Variants in SIK3 observed in about 807,000 individuals in gnomAD.
SIK3 encodes the protein SIK family kinase 3, also known as serine/threonine-protein kinase SIK3.
A neutral mutation model predicts 144.2 loss-of-function variants in SIK3; 28 were observed. That is an observed-to-expected ratio of 0.19 (90% confidence interval 0.14 to 0.27). The LOEUF is 0.27. SIK3 is among the 10% of genes least tolerant of loss of function. SIK3 has a pLI of 1.00. For synonymous variants in SIK3, 686 were observed against 676.3 expected (o/e 1.01, Z -0.22); for missense variants, 1,319 against 1,776.0 (o/e 0.74, Z 4.62).
At chr11:116,868,297 T>C (rs1407307621) in intron 14 of SIK3, among the ~76,000 whole-genome samples, 1 of 152,234 alleles carries the variant, frequency 6.6e-6, no homozygotes, top group Non-Finnish European at 1.5e-5. Flanking sequence ...GGCTGAATTT[T>C]GAACCTAAGA....
At chr11:117,093,231 G>GCAT (rs1365573307) in intron 1 of SIK3, among the ~76,000 whole-genome samples, 6 of 152,214 alleles carry the variant, frequency 3.9e-5, no homozygotes, top group Non-Finnish European at 8.8e-5. Flanking sequence ...ATGGGTGAAA[G>GCAT]CATCATCTCA....
chr11:116,999,473 A>G (rs1007480693), intron 1 of SIK3, among the ~76,000 whole-genome samples: 1 of 152,236 alleles, frequency 6.6e-6, no homozygotes, highest in African/African-American at 2.4e-5. Flanking sequence ...ACTGCCCACT[A>G]TTGAATTTAG....
chr11:116,916,603 C>T (rs1280745575), intron 4 of SIK3, among the ~76,000 whole-genome samples: 6 of 151,394 alleles, frequency 4.0e-5, no homozygotes, highest in Non-Finnish European at 7.4e-5. Flanking sequence ...CTTTGCCTCC[C>T]GGGTTCACGC....
At chr11:117,043,754 G>A (rs1259713750) in intron 1 of SIK3, among the ~76,000 whole-genome samples, 1 of 152,004 alleles carries the variant, frequency 6.6e-6, no homozygotes, top group Non-Finnish European at 1.5e-5. Flanking sequence ...CTTTTCCCTG[G>A]TTCTGAACCT....
At chr11:116,896,988 C>T (rs191152701) in intron 5 of SIK3, among the ~76,000 whole-genome samples, 1 of 146,920 alleles carries the variant, frequency 6.8e-6, no homozygotes, top group East Asian at 2.0e-4. Flanking sequence ...GATCATCCTG[C>T]TGCTCTCCAG....
rs372989277 is a variant in SIK3 at position 116,987,435 on chromosome 11, A to G, written c.274-30371T>C. Among the ~76,000 whole-genome samples, 139 of 152,292 alleles carry G rather than the reference A, an allele frequency of 9.1e-4. No homozygotes were observed. The Middle Eastern group carries it at 0.014, about 15-fold the overall frequency. ...CAACATCTACCTCCTTCAATCCAGCAGAAATAAATACAAAAATAACTCTTC... is the reference window on the plus strand; with the variant it reads ...CAACATCTACCTCCTTCAATCCAGCGGAAATAAATACAAAAATAACTCTTC... On this transcript the variant is annotated intron_variant, in intron 1 of 24. Transcript: ENST00000445177.
intron 3 of SIK3, among the ~76,000 whole-genome samples, chr11:116,936,554 T>C (rs961111988): frequency 6.6e-6 from 1 of 152,222 alleles, no homozygotes; most frequent in African/African-American, 2.4e-5. Flanking sequence ...TAGATGTCCA[T>C]GAAAGAAACT....
At chr11:116,900,129 C>T (rs1021380008) in intron 4 of SIK3, among the ~76,000 whole-genome samples, 1 of 152,112 alleles carries the variant, frequency 6.6e-6, no homozygotes, top group Non-Finnish European at 1.5e-5. Context: ...CCAATACTTG[C>T]TTGGGAAGAA....
At chr11:116,875,343 C>T in intron 10 of SIK3, 31 bp downstream of exon 10, 18 of 1,613,766 alleles carry the variant, frequency 1.1e-5, no homozygotes, top group South Asian at 2.2e-5. Flanking sequence ...AAAGTGGTTT[C>T]AGCTGACAGC....
chr11:117,031,231 T>G (rs1591572730), intron 1 of SIK3, among the ~76,000 whole-genome samples: 1 of 152,168 alleles, frequency 6.6e-6, no homozygotes. Context: ...TTTGCCTAGC[T>G]CTATATCCTA....
intron 1 of SIK3, among the ~76,000 whole-genome samples, chr11:116,961,415 G>A (rs1320106796): frequency 2.0e-5 from 3 of 152,190 alleles, no homozygotes; most frequent in Non-Finnish European, 4.4e-5. Flanking sequence ...ATTGTTTTGA[G>A]AATATCTAAA....
intron 1 of SIK3, among the ~76,000 whole-genome samples, chr11:116,961,047 G>C (rs767139356): frequency 6.6e-5 from 10 of 152,178 alleles, no homozygotes; most frequent in Non-Finnish European, 1.3e-4. Context: ...AACATGGAAA[G>C]AACAGAGCTG....
Position 117,075,003 on chromosome 11 carries a change from T to G in SIK3, c.273+23140A>C, listed in dbSNP as rs187640126. Among the ~76,000 whole-genome samples, 350 of 151,912 alleles carry G rather than the reference T, an allele frequency of 2.3e-3. 3 individuals carry two copies. The highest frequency in any genetic ancestry group is 7.9e-3 in the African/African-American group (328 of 41,416). On this transcript the variant is annotated intron_variant, in intron 1 of 24. Transcript: ENST00000445177. ...TACATCCTTTCATTGGAATACCACG[T>G]AGCTTTTTTAACATTAGATACGAGA...
chr11:116,872,739 C>T (rs960940516), intron 13 of SIK3, among the ~76,000 whole-genome samples: 2 of 152,088 alleles, frequency 1.3e-5, no homozygotes, highest in Non-Finnish European at 2.9e-5. Flanking sequence ...TTCACTTTTA[C>T]TATATTTTAC....
At chr11:116,916,902 C>A (rs1325412197) in intron 4 of SIK3, among the ~76,000 whole-genome samples, 1 of 151,778 alleles carries the variant, frequency 6.6e-6, no homozygotes, top group South Asian at 2.1e-4. Flanking sequence ...CTCAGGAGTT[C>A]AAGACCAAAC....
chr11:117,072,259 G>A (rs1954314971), intron 1 of SIK3, among the ~76,000 whole-genome samples: 1 of 152,014 alleles, frequency 6.6e-6, no homozygotes, highest in Non-Finnish European at 1.5e-5. Context: ...CTGGTGGCAT[G>A]TGCCTGTAAT....
intron 1 of SIK3, among the ~76,000 whole-genome samples, chr11:117,013,967 C>CCTTTTTTT (rs756680301): frequency 5.4e-4 from 4 of 7,370 alleles, no homozygotes; most frequent in African/African-American, 7.1e-4. Flanking sequence ...TTCTTTTTTT[C>CCTTTTTTT]TTTTCTTTTT....
intron 17 of SIK3, 42 bp from the exon 18 acceptor site, chr11:116,861,968 T>C: frequency 2.1e-6 from 3 of 1,423,416 alleles, no homozygotes; most frequent in Non-Finnish European, 2.9e-6. Context: ...ATTGTGAGCT[T>C]GAAGATTACT....
intron 1 of SIK3, among the ~76,000 whole-genome samples, chr11:116,986,551 A>G (rs946861438): frequency 3.9e-5 from 6 of 152,210 alleles, no homozygotes; most frequent in Non-Finnish European, 8.8e-5. Flanking sequence ...CTTAACAGAG[A>G]AAACAGACAA....
Sources: gnomAD v4.1 joint callset for allele counts (sites outside exome capture counted in the v4.1 genomes callset) on GRCh38, gnomAD v4.1.1 for gene constraint, MANE v1.5 for transcripts, NCBI Gene and HGNC (gene_info 2026-07-23, HGNC 2026-07-21) for gene names.